Variants in ADAM23 observed in about 807,000 individuals in gnomAD.
The protein encoded by ADAM23 is ADAM metallopeptidase domain 23.
A neutral mutation model predicts 120.1 loss-of-function variants in ADAM23; 33 were observed. The observed-to-expected ratio is 0.27, with a 90% confidence interval of 0.21 to 0.37. The LOEUF is 0.37. Among genes scored for constraint, ADAM23 ranks in the 10% least tolerant of loss-of-function variants. ADAM23 has a pLI of 1.00. For synonymous variants in ADAM23, 367 were observed against 375.2 expected, an observed-to-expected ratio of 0.98 and a Z score of 0.25; for missense variants, 862 against 1,058.2, an observed-to-expected ratio of 0.81 and a Z score of 2.57.
At chr2:206,523,560 C>G (rs1696887579) in intron 3 of ADAM23, among the ~76,000 whole-genome samples, 1 of 152,036 alleles carries the variant, frequency 6.6e-6, no homozygotes, top group African/African-American at 2.4e-5. Context: ...TGTTTACACT[C>G]AAAGGAGTGT....
chr2:206,559,823 C>A, intron 10 of ADAM23, 132 bp from the exon 11 acceptor site: 1 of 690,270 alleles, frequency 1.4e-6, no homozygotes, highest in South Asian at 2.6e-5. Flanking sequence ...AGAAGATTCT[C>A]TATAATGGGC....
At chr2:206,578,078 C>CA (rs1372299450) in intron 18 of ADAM23, among the ~76,000 whole-genome samples, 1 of 152,148 alleles carries the variant, frequency 6.6e-6, no homozygotes, top group African/African-American at 2.4e-5. Flanking sequence ...TGAAACATCA[C>CA]AAAAGTAAAA....
At chr2:206,544,449 T>C (rs1697354113) in intron 6 of ADAM23, among the ~76,000 whole-genome samples, 1 of 152,148 alleles carries the variant, frequency 6.6e-6, no homozygotes, top group Non-Finnish European at 1.5e-5. Flanking sequence ...TTTTAGGTTC[T>C]GGGGATACTT....
chr2:206,474,986 T>C (rs2105872225), intron 2 of ADAM23, among the ~76,000 whole-genome samples: 1 of 152,344 alleles, frequency 6.6e-6, no homozygotes, highest in African/African-American at 2.4e-5. Context: ...TAAGGACTTC[T>C]GGCATAAGTA....
At chr2:206,595,931 A>C (rs756609169) in intron 23 of ADAM23, 120 bp from the exon 24 acceptor site, 147 of 727,902 alleles carry the variant, frequency 2.0e-4, no homozygotes, top group Non-Finnish European at 3.1e-4. Flanking sequence ...GGGAAACTTT[A>C]AAAAGAAATT....
intron 24 of ADAM23, among the ~76,000 whole-genome samples, chr2:206,598,515 A>T (rs1698573591): frequency 6.6e-6 from 1 of 152,238 alleles, no homozygotes; most frequent in South Asian, 2.1e-4. Context: ...CTTTAAAAAA[A>T]AATAACTTTT....
At chr2:206,497,939 C>T (rs1182288154) in intron 3 of ADAM23, among the ~76,000 whole-genome samples, 3 of 152,184 alleles carry the variant, frequency 2.0e-5, no homozygotes, top group Admixed American at 6.5e-5. Context: ...AGGAATCCAA[C>T]TTACAAGGGA....
chr2:206,543,561 A>G (rs1018319802), intron 6 of ADAM23, among the ~76,000 whole-genome samples: 9 of 152,172 alleles, frequency 5.9e-5, no homozygotes, highest in African/African-American at 9.7e-5. Flanking sequence ...TTCCCAGTCT[A>G]TGAAAAGAGC....
chr2:206,528,671 C>T (rs188229614), intron 3 of ADAM23, among the ~76,000 whole-genome samples: 2 of 152,262 alleles, frequency 1.3e-5, no homozygotes, highest in Non-Finnish European at 2.9e-5. Flanking sequence ...TTGAGTCCTC[C>T]CATTTTTCAG....
chr2:206,566,846 CA>C (rs1697894234), intron 14 of ADAM23, among the ~76,000 whole-genome samples: 1 of 97,426 alleles, frequency 1.0e-5, no homozygotes, highest in African/African-American at 3.6e-5. Flanking sequence ...ATTCAGAAAA[CA>C]GAGGCAAAAA....
intron 2 of ADAM23, among the ~76,000 whole-genome samples, chr2:206,475,691 A>T (rs2105872828): frequency 6.6e-6 from 1 of 152,118 alleles, no homozygotes; most frequent in African/African-American, 2.4e-5. Flanking sequence ...CTAGCATCAA[A>T]TTAGCGAATT....
chr2:206,530,656 G>T (rs996765194), intron 3 of ADAM23, among the ~76,000 whole-genome samples: 1 of 135,238 alleles, frequency 7.4e-6, no homozygotes, highest in Non-Finnish European at 1.6e-5. Flanking sequence ...CCGTTGGATT[G>T]TCTGTGTCTT....
intron 18 of ADAM23, among the ~76,000 whole-genome samples, chr2:206,583,226 G>A (rs545317437): frequency 2.6e-5 from 4 of 152,270 alleles, no homozygotes; most frequent in African/African-American, 4.8e-5. Flanking sequence ...AGGCCAAGGC[G>A]GGCGGATCAC....
In ADAM23 at chr2:206,615,965, CTTGGT is replaced by C. The variant is rs546140952; in HGVS notation, c.2451-1610_2451-1606del. Among the ~76,000 whole-genome samples the C allele has an allele frequency of 4.5e-3, 691 of 152,316 alleles. 5 individuals are homozygous for C. The highest frequency in any genetic ancestry group is 0.016 in the African/African-American group (664 of 41,570). ...ATGTGGGCAACATGCACAGTGCTAGCTTGGTTTGCCCTTTCCTCTACATTTGGATT... is the reference window on the plus strand; with the variant it reads ...ATGTGGGCAACATGCACAGTGCTAGCTTGCCCTTTCCTCTACATTTGGATT... On this transcript the variant is annotated intron_variant, in intron 25 of 25. Transcript: ENST00000264377.
intron 10 of ADAM23, among the ~76,000 whole-genome samples, chr2:206,559,070 G>A (rs896718754): frequency 1.9e-4 from 29 of 152,108 alleles, no homozygotes; most frequent in African/African-American, 6.7e-4. Context: ...TCAGCCTCCC[G>A]AGTAGCTGGG....
chr2:206,513,975 G>A (rs1390801941), intron 3 of ADAM23, among the ~76,000 whole-genome samples: 1 of 152,116 alleles, frequency 6.6e-6, no homozygotes, highest in Admixed American at 6.6e-5. Flanking sequence ...GAGACCTATG[G>A]CACAGGACAA....
At chr2:206,454,450 G>A (rs1380425290) in intron 2 of ADAM23, among the ~76,000 whole-genome samples, 3 of 152,236 alleles carry the variant, frequency 2.0e-5, no homozygotes, top group Non-Finnish European at 4.4e-5. Context: ...TTTGGGTGGG[G>A]ACACAGAACC....
intron 17 of ADAM23, among the ~76,000 whole-genome samples, chr2:206,572,844 G>A (rs539404452): frequency 1.3e-5 from 2 of 152,124 alleles, no homozygotes; most frequent in South Asian, 2.1e-4. Flanking sequence ...GGTGATTTCC[G>A]TCACATTGTT....
chr2:206,600,391 A>G (rs931661505), intron 24 of ADAM23, among the ~76,000 whole-genome samples: 6 of 152,188 alleles, frequency 3.9e-5, no homozygotes, highest in Non-Finnish European at 7.3e-5. Flanking sequence ...TAAGAGTATT[A>G]AAAATACTTA....
Sources: gnomAD v4.1 joint callset for allele counts (sites outside exome capture counted in the v4.1 genomes callset) on GRCh38, gnomAD v4.1.1 for gene constraint, MANE v1.5 for transcripts, NCBI Gene and HGNC (gene_info 2026-07-23, HGNC 2026-07-21) for gene names.